DLG4: variants seen among roughly 807,000 people sequenced by gnomAD.
DLG4 encodes the protein disks large homolog 4.
A neutral mutation model predicts 93.8 loss-of-function variants in DLG4; 7 were observed. The observed-to-expected ratio is 0.07, with a 90% CI of 0.04 to 0.14. The LOEUF (loss-of-function observed/expected upper bound fraction) is 0.14, where lower values mean the gene tolerates loss of function less well. Ranked by LOEUF, DLG4 falls within the 10% of genes least tolerant of loss-of-function variation. The pLI, the probability that DLG4 is intolerant of heterozygous loss-of-function variation, is 1.00. For synonymous variants in DLG4, 341 were observed against 387.6 expected (o/e 0.88, Z 1.41); for missense variants, 545 against 992.9 (o/e 0.55, Z 6.06).
intron 19 of DLG4, 149 bp from the exon 20 acceptor site, chr17:7,190,963 C>CTTTTTTTTTTTTTTTTTTTTTTTTTTTT (rs35868661): frequency 8.6e-6 from 3 of 348,570 alleles, no homozygotes; most frequent in African/African-American, 7.5e-5. Flanking sequence ...AGGGGCACCT[C>CTTTTTTTTTTTTTTTTTTTTTTTTTTTT]TTTTTTTTTT....
Position 7,203,040 on chromosome 17 carries a change from C to G in DLG4, c.650G>C (p.Ser217Thr). 2 of 1,602,574 alleles carry G rather than the reference C, an allele frequency of 1.2e-6. No homozygotes were observed. Among genetic ancestry groups the G allele is most frequent in the South Asian group, 2.2e-5 (2 of 90,830 alleles). ...ATGCATGACGTCCTCTAGCCCCACA[C>G]TGTTGACCTGGAGTCAAGGAAAGCA... ...QIGDKILAVNSVGLEDVMHED... is the reference protein window; with the variant it reads ...QIGDKILAVNTVGLEDVMHED... The change falls in exon 8 of 20, where the codon AGT (serine) becomes ACT (threonine). Residue 217 changes from serine to threonine, a missense_variant. Coordinates refer to ENST00000399506, the MANE Select transcript of DLG4 (RefSeq NM_001321075.3). The surrounding 1 kb of genome is among the most constrained non-coding windows in gnomAD (Gnocchi z 7.2).
intron 1 of DLG4, among the ~76,000 whole-genome samples, chr17:7,215,694 G>C (rs560614422): frequency 2.0e-5 from 3 of 152,196 alleles, no homozygotes; most frequent in Admixed American, 6.5e-5. Flanking sequence ...AGATCTAAAG[G>C]TCCTCAGCCC....
At chr17:7,210,403 C>T (rs1273761822) in intron 1 of DLG4, among the ~76,000 whole-genome samples, 2 of 152,196 alleles carry the variant, frequency 1.3e-5, no homozygotes, top group Non-Finnish European at 2.9e-5. Context: ...TGAGTCTATT[C>T]TCTGGGCCAC....
rs1023441887 is a variant in DLG4, at chr17:7,195,275, G to A, written c.1302-780C>T. On this transcript the variant is annotated intron_variant, in intron 11 of 19. Transcript: ENST00000399506. The surrounding 1 kb of genome is among the most constrained non-coding windows in gnomAD (Gnocchi z 4.3). Reference sequence around the variant, plus strand: ...GCCTGGAGAGGAGGGAGGAGACCCCGGGCCCCCTGGAAGTGTGACAACCAG... The same window carrying A: ...GCCTGGAGAGGAGGGAGGAGACCCCAGGCCCCCTGGAAGTGTGACAACCAG... Among the ~76,000 whole-genome samples, 3 of 152,102 alleles carry A rather than the reference G, an allele frequency of 2.0e-5. No homozygotes were observed. The highest frequency in any genetic ancestry group is 4.4e-5 in the Non-Finnish European group (3 of 68,018).
chr17:7,218,174 T>A, upstream of DLG4: 1 of 1,396,844 alleles, frequency 7.2e-7, no homozygotes, highest in Non-Finnish European at 9.9e-7. Flanking sequence ...ATATTAGTGA[T>A]ATTTGGCTCA....
At chr17:7,213,232 G>C (rs1335587115) in intron 1 of DLG4, among the ~76,000 whole-genome samples, 8 of 150,866 alleles carry the variant, frequency 5.3e-5, no homozygotes, top group African/African-American at 1.9e-4. Context: ...CGGATATCTG[G>C]CATTACAGGC....
Position 7,204,959 on chromosome 17 carries a change from T to G in DLG4, c.97-707A>C, listed in dbSNP as rs376814324. On this transcript the variant is annotated intron_variant, in intron 2 of 19. Transcript: ENST00000399506. ...GGGGAGACCCACCTCCAGGAGGCCC[T>G]GTCGTCAGGACAACAGGGGGGTGGG... The G allele has an allele frequency of 6.3e-4, 619 of 985,644 alleles. 6 individuals are homozygous for G. The African/African-American group carries it at 9.9e-3, about 16-fold the overall frequency. The allele number at this position is 985,644 out of a possible 1,614,324, so 61.1% of individuals were successfully genotyped here. A position where few individuals can be genotyped will look rare whatever the true frequency, so the allele number is the denominator to read the frequency against.
rs2070591462 is a variant in DLG4 at position 7,208,725 on chromosome 17, C to A, written c.31-486G>T. On this transcript the variant is annotated intron_variant, in intron 1 of 19. Transcript: ENST00000399506. The surrounding 1 kb of genome is among the most constrained non-coding windows in gnomAD (Gnocchi z 5.4). ...CCCTACCCCTCTGGCTGCTCCTACT[C>A]TGCATGGCATCCTCCCCGCGCCCCA... 6.6e-6 allele frequency among the ~76,000 whole-genome samples: 1 copy of A among 152,044 alleles called. No homozygotes were observed. Among genetic ancestry groups the A allele is most frequent in the Non-Finnish European group, 1.5e-5 (1 of 68,012 alleles).
chr17:7,196,742 C>A lies in DLG4; in HGVS notation c.1083+15G>T. The A allele has an allele frequency of 6.3e-7, 1 of 1,594,824 alleles. No individual in the cohort carries two copies. The highest frequency in any genetic ancestry group is 8.5e-7 in the Non-Finnish European group (1 of 1,170,752). On this transcript the variant is annotated intron_variant, in intron 9 of 19. Coordinates refer to ENST00000399506, the MANE Select transcript of DLG4 (RefSeq NM_001321075.3). The surrounding 1 kb of genome is among the most constrained non-coding windows in gnomAD (Gnocchi z 8.3). Reference sequence around the variant, plus strand: ...GGGGAGGGGGTGGTGCAGGTAGGGGCAGGCCTTCCCTCACCGACAGGATCT... The same window carrying A: ...GGGGAGGGGGTGGTGCAGGTAGGGGAAGGCCTTCCCTCACCGACAGGATCT...
chr17:7,200,683 A>G (rs1337206899), intron 8 of DLG4, among the ~76,000 whole-genome samples: 2 of 151,584 alleles, frequency 1.3e-5, no homozygotes, highest in East Asian at 3.9e-4. Context: ...AGTAGCTGGG[A>G]TTGCAGGCAT....
At chr17:7,207,192 A>G (rs1157773977) in intron 2 of DLG4, among the ~76,000 whole-genome samples, 1 of 151,852 alleles carries the variant, frequency 6.6e-6, no homozygotes, top group Admixed American at 6.6e-5. Context: ...AGGGAAGGTG[A>G]AGATGAATAG....
chr17:7,216,890 C>T (rs1176867490), intron 1 of DLG4, among the ~76,000 whole-genome samples: 4 of 152,006 alleles, frequency 2.6e-5, no homozygotes, highest in African/African-American at 2.4e-5. Context: ...CATGGAATAT[C>T]CTAAATTTTC....
intron 8 of DLG4, among the ~76,000 whole-genome samples, chr17:7,199,795 G>A (rs534083731): frequency 1.6e-4 from 25 of 151,740 alleles, no homozygotes; most frequent in Middle Eastern, 3.4e-3. Context: ...TGGCTATCAC[G>A]GTGAAACCCC....
In DLG4 at chr17:7,204,047, G is replaced by T; in HGVS notation, c.171C>A (p.Thr57=). 6.2e-7 allele frequency: 1 copy of T among 1,609,776 alleles called. No individual in the cohort carries two copies. The highest frequency in any genetic ancestry group is 2.2e-5 in the East Asian group (1 of 44,760). ...APGYELQVNG[T]EGEMEYEEIT... ...TTTCCTCGTATTCCATCTCCCCCTC[G>T]GTCCCGTTCACCTGCAACTCCAGCA... The change falls in exon 4 of 20, where the codon ACC becomes ACA. Residue 57 remains threonine (T), a synonymous_variant. Coordinates refer to ENST00000399506, the MANE Select transcript of DLG4 (RefSeq NM_001321075.3).
chr17:7,214,287 G>A (rs921641053), intron 1 of DLG4, among the ~76,000 whole-genome samples: 1 of 152,126 alleles, frequency 6.6e-6, no homozygotes, highest in Admixed American at 6.5e-5. Flanking sequence ...ACGCACGGGG[G>A]GCCACGCCAC....
In DLG4 at chr17:7,200,085, A is replaced by G. The variant is rs527879263; in HGVS notation, c.787+2818T>C. On this transcript the variant is annotated intron_variant, in intron 8 of 19. Coordinates refer to ENST00000399506, the MANE Select transcript of DLG4 (RefSeq NM_001321075.3). ...TTATGGTATTTAGGAATAGTACCAC[A>G]TGATTTTAATATGGTTTTACAGTAT... Among the ~76,000 whole-genome samples the G allele has an allele frequency of 2.0e-5, 3 of 152,316 alleles. No homozygotes were observed. The South Asian group carries it at 6.2e-4, about 32-fold the overall frequency.
chr17:7,214,707 G>C (rs2070836743), intron 1 of DLG4, among the ~76,000 whole-genome samples: 1 of 152,132 alleles, frequency 6.6e-6, no homozygotes, highest in Non-Finnish European at 1.5e-5. Context: ...AGCTTCAGTC[G>C]TCGCCGGTTA....
Position 7,190,637 on chromosome 17 carries a change from G to T in DLG4, c.*71C>A. 1.6e-6 allele frequency: 2 copies of T among 1,259,922 alleles called. No homozygotes were observed. Among genetic ancestry groups the T allele is most frequent in the Non-Finnish European group, 2.3e-6 (2 of 858,562 alleles). 78.0% of individuals were successfully genotyped at this position (1,259,922 alleles called of 1,614,324 possible). On this transcript the variant is annotated 3_prime_UTR_variant, in exon 20 of 20. Transcript: ENST00000399506. ...GGAGGCCGGGGGGAGCCAAGGGCTT[G>T]GGCAATTCAGTCCAGACCAAGGGCC...
At position 7,196,695 on chromosome 17, in the gene DLG4, A is replaced by G. The variant is rs2069806272; in HGVS notation, c.1083+62T>C. 1 of 1,579,812 alleles carries G rather than the reference A, an allele frequency of 6.3e-7. No homozygotes were observed. Among genetic ancestry groups the G allele is most frequent in the Non-Finnish European group, 8.6e-7 (1 of 1,162,676 alleles). ...TGCAGCCCATCCAGGCCCCTCCCCA[A>G]GAGCTCTGCGCTCTGCCCTGTGGGG... On this transcript the variant is annotated intron_variant, in intron 9 of 19. Transcript: ENST00000399506. The surrounding 1 kb of genome is among the most constrained non-coding windows in gnomAD (Gnocchi z 8.3).
Sources: allele counts gnomAD v4.1 joint callset (sites outside exome capture counted in the v4.1 genomes callset), GRCh38; gene constraint gnomAD v4.1.1; non-coding constraint Gnocchi (gnomAD v3.1); transcripts MANE v1.5; gene names NCBI Gene and HGNC (gene_info 2026-07-23, HGNC 2026-07-21).